The following ARPP21 variants were observed in gnomAD, a reference collection of about 807,000 sequenced individuals.
The protein encoded by ARPP21 is cAMP regulated phosphoprotein 21.
ARPP21 carries 69 observed loss-of-function variants against 113.2 expected under a neutral mutation model. The ratio of observed to expected loss-of-function variants is 0.61; its 90% CI spans 0.50 to 0.74. ARPP21 has a LOEUF of 0.74. ARPP21 is among the 30% of genes least tolerant of loss of function. The probability of loss-of-function intolerance (pLI) is 0.00; values close to 1 mark genes in which losing one functional copy is unlikely to be tolerated. For missense variants in ARPP21, 1,070 were observed against 1,037.4 expected, an observed-to-expected ratio of 1.03 and a Z score of -0.43; for synonymous variants, 368 against 375.5, an observed-to-expected ratio of 0.98 and a Z score of 0.23.
intron 19 of ARPP21, among the ~76,000 whole-genome samples, chr3:35,749,442 A>G (rs548168389): frequency 4.4e-4 from 66 of 151,246 alleles, no homozygotes; most frequent in Non-Finnish European, 8.3e-4. Flanking sequence ...AAAAAAAAAA[A>G]AAAAAAAAGG....
intron 19 of ARPP21, among the ~76,000 whole-genome samples, chr3:35,784,207 G>A (rs2096583929): frequency 6.6e-6 from 1 of 152,156 alleles, no homozygotes; most frequent in African/African-American, 2.4e-5. Context: ...AAGAATCAAA[G>A]CAACAAAAAT....
At chr3:35,770,183 G>T (rs771107732) in intron 19 of ARPP21, among the ~76,000 whole-genome samples, 11 of 152,196 alleles carry the variant, frequency 7.2e-5, no homozygotes, top group Non-Finnish European at 1.6e-4. Context: ...CTGCTTCCCT[G>T]CATAGCCCCA....
Position 35,652,226 on chromosome 3 carries a change from G to A in ARPP21, c.-213+11828G>A, listed in dbSNP as rs148937481. Among the ~76,000 whole-genome samples the A allele has an allele frequency of 2.3e-3, 353 of 152,202 alleles. 2 individuals carry two copies. The highest frequency in any genetic ancestry group is 7.7e-3 in the African/African-American group (322 of 41,560). On this transcript the variant is annotated intron_variant, in intron 1 of 20. Coordinates refer to ENST00000684406, the MANE Select transcript of ARPP21 (RefSeq NM_001385562.1). ...CCTAGATTTGTCTAGTAATACTGTA[G>A]AGAGTTTAGTCTTAGCATCCTTCCA...
At chr3:35,715,327 T>C in intron 11 of ARPP21, 112 bp from the exon 12 acceptor site, 2 of 819,658 alleles carry the variant, frequency 2.4e-6, no homozygotes, top group Non-Finnish European at 4.1e-6. Flanking sequence ...TACCTATTTT[T>C]CTTAATTCTT....
At chr3:35,645,453 A>G (rs189845439) in intron 1 of ARPP21, among the ~76,000 whole-genome samples, 345 of 152,038 alleles carry the variant, frequency 2.3e-3, no homozygotes, top group Non-Finnish European at 3.9e-3. Flanking sequence ...GTTTTCTGGT[A>G]TATTATGGGT....
At chr3:35,651,125 T>C (rs1423801603) in intron 1 of ARPP21, among the ~76,000 whole-genome samples, 1 of 152,128 alleles carries the variant, frequency 6.6e-6, no homozygotes, top group African/African-American at 2.4e-5. Context: ...TAAATGGTTC[T>C]GTAGGAAAAC....
At chr3:35,682,272 G>A (rs2079130233) in intron 3 of ARPP21, among the ~76,000 whole-genome samples, 2 of 151,788 alleles carry the variant, frequency 1.3e-5, no homozygotes, top group African/African-American at 4.8e-5. Context: ...ATCAAAGGCA[G>A]GTGTTCCTTT....
rs148212926 is a variant in ARPP21, at chr3:35,656,975, T to C, written c.-213+16577T>C. Among the ~76,000 whole-genome samples, 983 of 152,168 alleles carry C rather than the reference T, an allele frequency of 6.5e-3. 11 individuals carry two copies. Among genetic ancestry groups the C allele is most frequent in the Middle Eastern group, 0.031 (9 of 294 alleles). ...ATATGATCTCTATGAGAATCATTCT[T>C]CAAAAATGGTACTAATTCCATTTTT... On this transcript the variant is annotated intron_variant, in intron 1 of 20. Transcript: ENST00000684406.
At chr3:35,710,410 G>A (rs1371867377) in intron 11 of ARPP21, among the ~76,000 whole-genome samples, 1 of 152,120 alleles carries the variant, frequency 6.6e-6, no homozygotes, top group Admixed American at 6.6e-5. Context: ...TCATAATAAG[G>A]ATGCCTACAG....
At chr3:35,677,810 G>A (rs76436670) in intron 1 of ARPP21, among the ~76,000 whole-genome samples, 2,074 of 152,082 alleles carry the variant, frequency 0.014, 18 homozygotes, top group Non-Finnish European at 0.021. Flanking sequence ...TGAAATGGCA[G>A]TGGAAGAGTC....
At chr3:35,653,807 A>G (rs1703557945) in intron 1 of ARPP21, among the ~76,000 whole-genome samples, 1 of 152,086 alleles carries the variant, frequency 6.6e-6, no homozygotes, top group Admixed American at 6.6e-5. Flanking sequence ...ACTTCTAAGA[A>G]TATGTACACT....
intron 1 of ARPP21, among the ~76,000 whole-genome samples, chr3:35,645,403 C>T (rs145432484): frequency 7.4e-4 from 113 of 151,954 alleles, no homozygotes; most frequent in African/African-American, 2.4e-3. Context: ...AAAACAATTA[C>T]GTCACTTTTT....
At chr3:35,740,270 G>T (rs7621692) in intron 18 of ARPP21, among the ~76,000 whole-genome samples, 15,923 of 152,218 alleles carry the variant, frequency 0.1, 846 homozygotes, top group Non-Finnish European at 0.12. Context: ...CCTTGCAGAA[G>T]ATTAGAAGTG....
chr3:35,664,743 A>G (rs1050262060), intron 1 of ARPP21, among the ~76,000 whole-genome samples: 2 of 152,072 alleles, frequency 1.3e-5, no homozygotes, highest in African/African-American at 2.4e-5. Flanking sequence ...TTCCTTGGTC[A>G]TGCGCCCCTG....
chr3:35,701,717 A>G (rs929361411), intron 9 of ARPP21, among the ~76,000 whole-genome samples: 3 of 151,494 alleles, frequency 2.0e-5, no homozygotes, highest in Non-Finnish European at 4.4e-5. Flanking sequence ...ATGTTTATAT[A>G]GATAGATAAA....
chr3:35,692,874 G>A, intron 9 of ARPP21, among the ~76,000 whole-genome samples: 1 of 151,632 alleles, frequency 6.6e-6, no homozygotes, highest in Non-Finnish European at 1.5e-5. Context: ...GAGCAGATAT[G>A]GAACACTGAT....
rs142875759 is a variant in ARPP21 at position 35,725,809 on chromosome 3, C to G, written c.1226-3494C>G. ...TTTTTTCTCCTCCCTGTGGCTACCC[C>G]CTAGGGTTCAGCTTCAGTTTCTGAG... On this transcript the variant is annotated intron_variant, in intron 14 of 20. Coordinates refer to ENST00000684406, the MANE Select transcript of ARPP21 (RefSeq NM_001385562.1). Among the ~76,000 whole-genome samples the G allele has an allele frequency of 3.0e-3, 453 of 152,292 alleles. 2 individuals are homozygous for G. Among genetic ancestry groups the G allele is most frequent in the African/African-American group, 9.8e-3 (406 of 41,552 alleles).
intron 1 of ARPP21, among the ~76,000 whole-genome samples, chr3:35,667,779 C>A (rs750877371): frequency 6.7e-6 from 1 of 149,644 alleles, no homozygotes; most frequent in Admixed American, 6.7e-5. Flanking sequence ...CAGTATCACT[C>A]CAAAATACTG....
At chr3:35,769,141 G>A (rs915167231) in intron 19 of ARPP21, among the ~76,000 whole-genome samples, 1 of 152,040 alleles carries the variant, frequency 6.6e-6, no homozygotes, top group Non-Finnish European at 1.5e-5. Context: ...CCTATATCTT[G>A]AGAAAGTAAA....
Sources: allele counts gnomAD v4.1 joint callset (sites outside exome capture counted in the v4.1 genomes callset), GRCh38; gene constraint gnomAD v4.1.1; transcripts MANE v1.5; gene names NCBI Gene and HGNC (gene_info 2026-07-23, HGNC 2026-07-21).